Variants in SLC24A3 observed in about 807,000 individuals in gnomAD.
The protein encoded by SLC24A3 is solute carrier family 24 member 3.
In SLC24A3, 28 loss-of-function variants were observed where a neutral mutation model predicts 75.8. The ratio of observed to expected loss-of-function variants is 0.37; its 90% confidence interval spans 0.27 to 0.51. SLC24A3 has a LOEUF of 0.51. SLC24A3 is among the 20% of genes least tolerant of loss of function. SLC24A3 has a pLI of 0.94. For synonymous variants in SLC24A3, 372 were observed against 334.1 expected (o/e 1.11, Z -1.24); for missense variants, 663 against 847.8 (o/e 0.78, Z 2.71).
rs144450450 is a variant in SLC24A3 at position 19,403,025 on chromosome 20, G to A, written c.272-112463G>A. Among the ~76,000 whole-genome samples, 26 of 152,252 alleles carry A rather than the reference G, an allele frequency of 1.7e-4. 1 individual carries two copies. In the East Asian group the frequency reaches 4.8e-3, roughly 28 times the overall value. Reference sequence around the variant, plus strand: ...TATAATTAACCATGTGTAGCTGAGGGCTTCCATATTAGACATCCCAGGCCT... The same window carrying A: ...TATAATTAACCATGTGTAGCTGAGGACTTCCATATTAGACATCCCAGGCCT... On this transcript the variant is annotated intron_variant, in intron 2 of 16. Coordinates refer to ENST00000328041, the MANE Select transcript of SLC24A3 (RefSeq NM_020689.4).
intron 1 of SLC24A3, among the ~76,000 whole-genome samples, chr20:19,268,722 T>A (rs543230290): frequency 6.6e-6 from 1 of 152,218 alleles, no homozygotes; most frequent in Non-Finnish European, 1.5e-5. Context: ...TAAATCCTGG[T>A]TGGGATGCTT....
chr20:19,240,791 C>T (rs960736253), intron 1 of SLC24A3, among the ~76,000 whole-genome samples: 3 of 152,140 alleles, frequency 2.0e-5, no homozygotes, highest in African/African-American at 7.2e-5. Context: ...TCAATGGGAC[C>T]ACTTTTTGTA....
chr20:19,559,439 G>A lies in SLC24A3; in HGVS notation c.349-20561G>A, dbSNP rs187252223. On this transcript the variant is annotated intron_variant, in intron 3 of 16. Transcript: ENST00000328041. ...TTCATTTTCTTAGCAGCATCTGTTG[G>A]AGAGCAAAGTACTTTTATTGTTAAG... Among the ~76,000 whole-genome samples the A allele has an allele frequency of 4.7e-4, 71 of 152,258 alleles. No individual in the cohort carries two copies. The Middle Eastern group carries it at 0.01, about 22-fold the overall frequency.
At chr20:19,546,182 A>AAAAAAAAAAAAAAAAAC (rs1283634511) in intron 3 of SLC24A3, among the ~76,000 whole-genome samples, 40 of 140,310 alleles carry the variant, frequency 2.9e-4, no homozygotes, top group Non-Finnish European at 5.7e-4. Flanking sequence ...AAAAAAAAAA[A>AAAAAAAAAAAAAAAAAC]AAAAAACCAG....
At chr20:19,316,576 C>T (rs1984593444) in intron 2 of SLC24A3, among the ~76,000 whole-genome samples, 1 of 152,188 alleles carries the variant, frequency 6.6e-6, no homozygotes, top group Admixed American at 6.5e-5. Flanking sequence ...TTCTGGGATT[C>T]AGTGAAGACA....
intron 2 of SLC24A3, among the ~76,000 whole-genome samples, chr20:19,398,239 T>C (rs1173418708): frequency 3.3e-5 from 5 of 152,140 alleles, no homozygotes; most frequent in African/African-American, 7.2e-5. Flanking sequence ...TTGATTGGGA[T>C]TGTGTTGAAT....
intron 1 of SLC24A3, among the ~76,000 whole-genome samples, chr20:19,273,239 C>A (rs190127053): frequency 6.6e-6 from 1 of 152,138 alleles, no homozygotes; most frequent in Non-Finnish European, 1.5e-5. Context: ...GGTGTCATGT[C>A]GGACAGGAAG....
At chr20:19,376,743 T>C (rs1167124697) in intron 2 of SLC24A3, among the ~76,000 whole-genome samples, 4 of 152,038 alleles carry the variant, frequency 2.6e-5, no homozygotes, top group Non-Finnish European at 4.4e-5. Flanking sequence ...TCCCTCTTGA[T>C]CCAGTAGCGT....
intron 2 of SLC24A3, among the ~76,000 whole-genome samples, chr20:19,447,717 C>T (rs1043378196): frequency 6.6e-6 from 1 of 152,102 alleles, no homozygotes; most frequent in Non-Finnish European, 1.5e-5. Flanking sequence ...ATGGTTGTTC[C>T]TCTGTGAAGC....
intron 1 of SLC24A3, among the ~76,000 whole-genome samples, chr20:19,222,818 T>A (rs1394451345): frequency 1.5e-5 from 2 of 135,310 alleles, no homozygotes; most frequent in African/African-American, 5.4e-5. Flanking sequence ...CCTTCCTTCG[T>A]TCCTTCCTTC....
At chr20:19,457,383 A>T (rs1348536381) in intron 2 of SLC24A3, among the ~76,000 whole-genome samples, 1 of 152,256 alleles carries the variant, frequency 6.6e-6, no homozygotes, top group African/African-American at 2.4e-5. Flanking sequence ...TTTTTGCATG[A>T]TACAAATTCA....
chr20:19,693,228 T>TA (rs2032766855), intron 12 of SLC24A3, 31 bp from the exon 13 acceptor site: 3 of 1,586,540 alleles, frequency 1.9e-6, no homozygotes, highest in South Asian at 2.3e-5. Flanking sequence ...ATTTTTTTTT[T>TA]ATTTCTTTTT....
intron 2 of SLC24A3, among the ~76,000 whole-genome samples, chr20:19,424,745 C>CAAAAAAA (rs528342351): frequency 1.6e-4 from 8 of 49,146 alleles, no homozygotes; most frequent in Admixed American, 2.7e-4. Flanking sequence ...AAAACAACAA[C>CAAAAAAA]AAAAAAAAAA....
At chr20:19,692,832 G>A (rs1364618278) in intron 12 of SLC24A3, among the ~76,000 whole-genome samples, 1 of 151,950 alleles carries the variant, frequency 6.6e-6, no homozygotes, top group Non-Finnish European at 1.5e-5. Flanking sequence ...CTTTATTATC[G>A]GGCGAAAACG....
At chr20:19,626,529 G>A (rs1420721466) in intron 6 of SLC24A3, among the ~76,000 whole-genome samples, 1 of 152,216 alleles carries the variant, frequency 6.6e-6, no homozygotes, top group East Asian at 1.9e-4. Context: ...TCAAGAGTAG[G>A]TGAATATTTC....
chr20:19,379,953 C>A (rs1986153587), intron 2 of SLC24A3, among the ~76,000 whole-genome samples: 1 of 152,178 alleles, frequency 6.6e-6, no homozygotes, highest in African/African-American at 2.4e-5. Flanking sequence ...TTTAGTAACT[C>A]ATATATATGA....
intron 2 of SLC24A3, among the ~76,000 whole-genome samples, chr20:19,467,765 C>T (rs1987793212): frequency 6.6e-6 from 1 of 151,950 alleles, no homozygotes; most frequent in African/African-American, 2.4e-5. Context: ...CCTGTAATCC[C>T]AGCTACTTGT....
chr20:19,639,783 G>A (rs541413202), intron 6 of SLC24A3, among the ~76,000 whole-genome samples: 1 of 152,380 alleles, frequency 6.6e-6, no homozygotes, highest in South Asian at 2.1e-4. Context: ...CCCGCGGGAA[G>A]GCAGCTAAGG....
At chr20:19,525,980 G>T (rs1031783625) in intron 3 of SLC24A3, among the ~76,000 whole-genome samples, 1 of 152,104 alleles carries the variant, frequency 6.6e-6, no homozygotes, top group Admixed American at 6.5e-5. Context: ...GAACGAACTC[G>T]GAGGTAGGGG....
Sources: gnomAD v4.1 joint callset for allele counts (sites outside exome capture counted in the v4.1 genomes callset) on GRCh38, gnomAD v4.1.1 for gene constraint, MANE v1.5 for transcripts, NCBI Gene and HGNC (gene_info 2026-07-23, HGNC 2026-07-21) for gene names.